Variants in CASD1 observed in about 807,000 individuals in gnomAD.
CASD1 encodes CAS1 domain sialic acid O acetyltransferase 1.
Under a neutral mutation model 100.0 loss-of-function variants are expected in CASD1, and 41 were observed. The ratio of observed to expected loss-of-function variants is 0.41; its 90% CI spans 0.32 to 0.53. The LOEUF (loss-of-function observed/expected upper bound fraction) is 0.53. Among genes scored for constraint, CASD1 ranks in the 20% least tolerant of loss-of-function variants. CASD1 has a pLI of 0.25. For synonymous variants in CASD1, 321 were observed against 315.6 expected, an observed-to-expected ratio of 1.02 and a Z score of -0.18; for missense variants, 774 against 948.7, an observed-to-expected ratio of 0.82 and a Z score of 2.42.
At chr7:94,522,918 C>T (rs1021451376) in intron 3 of CASD1, among the ~76,000 whole-genome samples, 1 of 152,188 alleles carries the variant, frequency 6.6e-6, no homozygotes, top group African/African-American at 2.4e-5. Flanking sequence ...ACCTCGGCCT[C>T]CCAAAGTGCT....
intron 10 of CASD1, among the ~76,000 whole-genome samples, chr7:94,542,658 T>C (rs763101132): frequency 6.6e-6 from 1 of 152,186 alleles, no homozygotes; most frequent in Non-Finnish European, 1.5e-5. Context: ...AAAGGATCAT[T>C]ATAGCAGTTA....
At chr7:94,592,380 G>T in the CASD1 span, among the ~76,000 whole-genome samples, 13 of 152,104 alleles carry the variant, frequency 8.5e-5, no homozygotes, top group African/African-American at 2.7e-4. Flanking sequence ...ATACAGGAGC[G>T]GGGGGTCGAC....
chr7:94,622,953 A>AT, the CASD1 span, among the ~76,000 whole-genome samples: 134 of 151,976 alleles, frequency 8.8e-4, 2 homozygotes, highest in Middle Eastern at 0.01. Flanking sequence ...GTTAGTAATT[A>AT]TTTTTTTTGA....
chr7:94,613,001 C>A, the CASD1 span, among the ~76,000 whole-genome samples: 4 of 152,240 alleles, frequency 2.6e-5, no homozygotes, highest in Non-Finnish European at 5.9e-5. Flanking sequence ...CCATCACCTT[C>A]CACAGGGAGT....
At chr7:94,553,899 A>T (rs1421398295) in intron 16 of CASD1, 1 of 152,170 alleles carries the variant, frequency 6.6e-6, no homozygotes, top group Non-Finnish European at 1.5e-5. Context: ...AGTAAAGGCC[A>T]GGATCCCAAA....
chr7:94,554,513 C>G lies in CASD1; in HGVS notation c.2065C>G (p.Pro689Ala), dbSNP rs1040012251. ...ILAFILIRNI[P>A]GYARSVYSSF... Reference sequence around the variant, plus strand: ...AGCCTTCATCCTAATAAGAAACATCCCTGGATATGCCCGTTCAGTTTACAG... The same window carrying G: ...AGCCTTCATCCTAATAAGAAACATCGCTGGATATGCCCGTTCAGTTTACAG... Residue 689 changes from proline to alanine, a missense_variant, in exon 17 of 18, where the codon CCT becomes GCT. Pro to Ala is a conservative substitution (Grantham distance 27, BLOSUM62 -1). Around this residue, in one of 5 missense-constraint regions of CASD1, gnomAD observed 175 missense variants for 206.9 expected, o/e 0.85. Transcript: ENST00000297273. 2 of 1,611,014 alleles carry G rather than the reference C, an allele frequency of 1.2e-6. No homozygotes were observed. The highest frequency in any genetic ancestry group is 8.5e-7 in the Non-Finnish European group (1 of 1,178,164).
At chr7:94,614,852 G>A in the CASD1 span, among the ~76,000 whole-genome samples, 1 of 151,884 alleles carries the variant, frequency 6.6e-6, no homozygotes, top group Admixed American at 6.6e-5. Context: ...AAAAAATACT[G>A]AATAAACATT....
the CASD1 span, among the ~76,000 whole-genome samples, chr7:94,572,519 A>AT: frequency 6.6e-6 from 1 of 152,256 alleles, no homozygotes; most frequent in South Asian, 2.1e-4. Context: ...GGCCACATGT[A>AT]TGTGTTCTTT....
chr7:94,559,336 GTATA>G (rs776163156), downstream of CASD1, among the ~76,000 whole-genome samples: 290 of 140,360 alleles, frequency 2.1e-3, no homozygotes, highest in Middle Eastern at 3.7e-3. Context: ...ATATATATAT[GTATA>G]TATATGGAAT....
At chr7:94,577,245 T>G in the CASD1 span, among the ~76,000 whole-genome samples, 1 of 152,182 alleles carries the variant, frequency 6.6e-6, no homozygotes, top group African/African-American at 2.4e-5. Flanking sequence ...TTTTGAAAAC[T>G]GGATCTTTTA....
chr7:94,533,299 A>G (rs1794942714), intron 6 of CASD1, 50 bp downstream of exon 6: 1 of 1,489,928 alleles, frequency 6.7e-7, no homozygotes, highest in African/African-American at 1.4e-5. Context: ...CACGTTTAAG[A>G]ACATGCTAAG....
At chr7:94,566,096 GT>G in the CASD1 span, among the ~76,000 whole-genome samples, 1 of 152,076 alleles carries the variant, frequency 6.6e-6, no homozygotes, top group Non-Finnish European at 1.5e-5. Context: ...CTCACAATAG[GT>G]TTTTTGAAGG....
At chr7:94,590,767 T>G in the CASD1 span, 1 of 152,168 alleles carries the variant, frequency 6.6e-6, no homozygotes, top group Admixed American at 6.5e-5. Flanking sequence ...TCTTTGTCCC[T>G]CATGCTGGCC....
intron 10 of CASD1, among the ~76,000 whole-genome samples, chr7:94,541,760 G>C (rs754792834): frequency 6.6e-6 from 1 of 151,834 alleles, no homozygotes; most frequent in Non-Finnish European, 1.5e-5. Context: ...AGAGAATTTT[G>C]AATATGGATC....
At chr7:94,590,218 C>G in the CASD1 span, among the ~76,000 whole-genome samples, 2 of 152,150 alleles carry the variant, frequency 1.3e-5, no homozygotes, top group African/African-American at 2.4e-5. Flanking sequence ...AGGTATTACT[C>G]TTATAGTTTA....
intron 17 of CASD1, 80 bp downstream of exon 17, chr7:94,554,655 C>A: frequency 1.2e-6 from 1 of 844,022 alleles, no homozygotes; most frequent in Non-Finnish European, 2.0e-6. Context: ...GTGTAAATAT[C>A]ACACATATAT....
rs1210756768 is a variant in CASD1 at position 94,528,189 on chromosome 7, A to T, written c.398A>T (p.Asp133Val). ...FEDKTASVKV[D>V]FLWHPEVNGS... ...TTACTTCTAACATTTCTCTTTTAGG[A>T]TTTTCTGTGGCATCCTGAAGTTAAT... The change falls in exon 5 of 18, where the codon GAT (aspartate) becomes GTT (valine). Residue 133 changes from aspartate (D) to valine (V), a missense_variant and splice_region_variant. Asp to Val is a radical substitution (Grantham distance 152). Around this residue, in one of 5 missense-constraint regions of CASD1, gnomAD observed 61 missense variants for 115.9 expected, o/e 0.53. Transcript: ENST00000297273. 8.7e-6 allele frequency: 14 copies of T among 1,602,210 alleles called. No individual in the cohort carries two copies. Among genetic ancestry groups the T allele is most frequent in the African/African-American group, 1.3e-5 (1 of 74,232 alleles).
the CASD1 span, chr7:94,621,827 T>G: frequency 1.3e-5 from 2 of 152,224 alleles, no homozygotes; most frequent in Admixed American, 1.3e-4. Context: ...AAAATCTCCC[T>G]GATCCAAACA....
rs376845618 is a variant in CASD1 at position 94,552,334 on chromosome 7, A to G, written c.1957-16A>G. The G allele has an allele frequency of 6.3e-7, 1 of 1,597,432 alleles. No individual in the cohort carries two copies. Among genetic ancestry groups the G allele is most frequent in the South Asian group, 1.1e-5 (1 of 87,978 alleles). On this transcript the variant is annotated splice_polypyrimidine_tract_variant and intron_variant, in intron 15 of 17. Transcript: ENST00000297273. ...GACTTGCTTTTTTGAACTTTTCCAT[A>G]CATTTTTTGTTTTAGACCTATTCCA...
Sources: gnomAD v4.1 joint callset for allele counts (sites outside exome capture counted in the v4.1 genomes callset) on GRCh38, gnomAD v4.1.1 for gene constraint, gnomAD v4.1.1 regional missense constraint, MANE v1.5 for transcripts, NCBI Gene and HGNC (gene_info 2026-07-23, HGNC 2026-07-21) for gene names.